The following HAPLN1 variants were observed in gnomAD, a reference collection of about 807,000 sequenced individuals.
The protein encoded by HAPLN1 is Cartilage link protein.
HAPLN1 carries 13 observed loss-of-function variants against 36.5 expected under a neutral mutation model. That is an observed-to-expected ratio of 0.36 (90% CI 0.23 to 0.57). HAPLN1 has a LOEUF of 0.57. Ranked by LOEUF, HAPLN1 falls within the 20% of genes least tolerant of loss-of-function variation. The pLI is 0.83. For missense variants in HAPLN1, 407 were observed against 439.7 expected (o/e 0.93, Z 0.66); for synonymous variants, 202 against 169.8 (o/e 1.19, Z -1.48).
At chr5:83,657,552 T>C (rs1750255911) in intron 2 of HAPLN1, among the ~76,000 whole-genome samples, 1 of 152,176 alleles carries the variant, frequency 6.6e-6, no homozygotes, top group Admixed American at 6.5e-5. Flanking sequence ...CGCTCCTCTC[T>C]AGAAAGCCTT....
chr5:83,696,791 T>C (rs1191771298), intron 1 of HAPLN1, among the ~76,000 whole-genome samples: 1 of 152,138 alleles, frequency 6.6e-6, no homozygotes, highest in Admixed American at 6.5e-5. Context: ...ATAAAAAAAT[T>C]TTGTCCATGC....
intron 2 of HAPLN1, among the ~76,000 whole-genome samples, chr5:83,653,217 A>G (rs1210614232): frequency 1.3e-5 from 2 of 152,232 alleles, no homozygotes; most frequent in African/African-American, 4.8e-5. Context: ...GTTCGTCAAT[A>G]TAAACCCAAA....
chr5:83,698,145 T>C (rs1450107732), intron 1 of HAPLN1, among the ~76,000 whole-genome samples: 1 of 152,082 alleles, frequency 6.6e-6, no homozygotes, highest in Non-Finnish European at 1.5e-5. Flanking sequence ...ATAGTTTTAG[T>C]TCTTATATTT....
intron 1 of HAPLN1, among the ~76,000 whole-genome samples, chr5:83,718,356 A>G (rs971040583): frequency 3.9e-5 from 6 of 152,168 alleles, no homozygotes; most frequent in Admixed American, 3.9e-4. Context: ...AGAGTATTTT[A>G]AGAAGCCGGT....
chr5:83,671,363 T>C (rs1750714653), intron 2 of HAPLN1, among the ~76,000 whole-genome samples: 3 of 152,200 alleles, frequency 2.0e-5, no homozygotes, highest in Admixed American at 6.5e-5. Context: ...GAATCTGAGA[T>C]TGAGATAGCT....
chr5:83,702,514 C>A lies in HAPLN1; in HGVS notation c.-27+18275G>T, dbSNP rs184355238. 7.9e-5 allele frequency among the ~76,000 whole-genome samples: 12 copies of A among 152,248 alleles called. No individual in the cohort carries two copies. In the East Asian group the frequency reaches 2.3e-3, roughly 29 times the overall value. Reference sequence around the variant, plus strand: ...CACAGCATCTTCAGGGAGCTAGGCACACTGATAATCCCTCTAGGCTTGAAG... The same window carrying A: ...CACAGCATCTTCAGGGAGCTAGGCAAACTGATAATCCCTCTAGGCTTGAAG... On this transcript the variant is annotated intron_variant, in intron 1 of 4. Transcript: ENST00000274341.
chr5:83,696,548 A>G (rs1416111821), intron 1 of HAPLN1, among the ~76,000 whole-genome samples: 2 of 152,152 alleles, frequency 1.3e-5, no homozygotes, highest in African/African-American at 4.8e-5. Context: ...TAATTAAGAG[A>G]GTATGGTATT....
At chr5:83,657,149 G>C (rs1750242441) in intron 2 of HAPLN1, among the ~76,000 whole-genome samples, 1 of 151,376 alleles carries the variant, frequency 6.6e-6, no homozygotes, top group Non-Finnish European at 1.5e-5. Context: ...AGGCTGGAGT[G>C]CAATGGCACC....
intron 1 of HAPLN1, among the ~76,000 whole-genome samples, chr5:83,708,083 G>T (rs978336915): frequency 2.0e-5 from 3 of 152,238 alleles, no homozygotes; most frequent in African/African-American, 7.2e-5. Context: ...TGTGGTTGTG[G>T]AGGAAAGCGA....
At chr5:83,663,127 T>C (rs139008528) in intron 2 of HAPLN1, among the ~76,000 whole-genome samples, 29 of 152,280 alleles carry the variant, frequency 1.9e-4, no homozygotes, top group African/African-American at 7.0e-4. Flanking sequence ...GAAAAGACTG[T>C]ACCTATTGTG....
intron 2 of HAPLN1, among the ~76,000 whole-genome samples, chr5:83,667,675 A>T (rs192184979): frequency 8.5e-5 from 13 of 152,314 alleles, no homozygotes; most frequent in Admixed American, 2.0e-4. Flanking sequence ...ACATGTATCC[A>T]GTTCTCCCAT....
At chr5:83,684,831 A>G (rs1346896431) in intron 1 of HAPLN1, among the ~76,000 whole-genome samples, 1 of 152,096 alleles carries the variant, frequency 6.6e-6, no homozygotes, top group Non-Finnish European at 1.5e-5. Flanking sequence ...ATCTTTACAT[A>G]CCTCATAAGA....
chr5:83,653,708 G>C (rs928915754), intron 2 of HAPLN1, among the ~76,000 whole-genome samples: 20 of 152,116 alleles, frequency 1.3e-4, no homozygotes, highest in Admixed American at 6.5e-4. Context: ...TTCCTCCAAG[G>C]ACTCTATTGC....
chr5:83,668,908 TGCACTTCTGCCAGCG>T (rs369406125), intron 2 of HAPLN1, among the ~76,000 whole-genome samples: 4 of 152,194 alleles, frequency 2.6e-5, no homozygotes, highest in African/African-American at 9.6e-5. Context: ...GAGAGGAGTG[TGCACTTCTGCCAGCG>T]GTTCTGGATA....
intron 3 of HAPLN1, among the ~76,000 whole-genome samples, chr5:83,650,961 C>T (rs1385692709): frequency 1.3e-5 from 2 of 152,100 alleles, no homozygotes; most frequent in Non-Finnish European, 2.9e-5. Context: ...ATGCGTTATA[C>T]TGTAACATAG....
At chr5:83,672,900 A>C (rs1429890751) in intron 2 of HAPLN1, among the ~76,000 whole-genome samples, 1 of 152,238 alleles carries the variant, frequency 6.6e-6, no homozygotes, top group Non-Finnish European at 1.5e-5. Context: ...CTTAGGAATC[A>C]GCTGAGCTGA....
At chr5:83,709,586 T>C (rs548837710) in intron 1 of HAPLN1, among the ~76,000 whole-genome samples, 87 of 152,190 alleles carry the variant, frequency 5.7e-4, no homozygotes, top group Non-Finnish European at 1.1e-3. Context: ...TGGGCTTCTA[T>C]TGATCCCATC....
chr5:83,652,943 G>T, intron 2 of HAPLN1, 119 bp from the exon 3 acceptor site: 1 of 943,642 alleles, frequency 1.1e-6, no homozygotes, highest in Non-Finnish European at 1.5e-6. Flanking sequence ...TGAGTGGTTA[G>T]CTTCTCTACG....
rs1164733953 is a variant in HAPLN1 at position 83,638,863 on chromosome 5, T to C, written c.*2633A>G. ...TTTTTATTTGAATTGCTTCTTTTTG[T>C]TTGGGTTTTCCAATGTAGATGTCTC... On this transcript the variant is annotated 3_prime_UTR_variant, in exon 5 of 5. Transcript: ENST00000274341. 6.6e-6 allele frequency: 1 copy of C among 152,072 alleles called. No homozygotes were observed. Among genetic ancestry groups the C allele is most frequent in the Non-Finnish European group, 1.5e-5 (1 of 67,928 alleles). 9.4% of individuals were successfully genotyped at this position (152,072 alleles called of 1,614,324 possible).
Sources: allele counts gnomAD v4.1 joint callset (sites outside exome capture counted in the v4.1 genomes callset), GRCh38; gene constraint gnomAD v4.1.1; transcripts MANE v1.5; gene names NCBI Gene and HGNC (gene_info 2026-07-23, HGNC 2026-07-21).